The following OSBPL10 variants were observed in gnomAD, a reference collection of about 807,000 sequenced individuals.
OSBPL10 encodes the protein oxysterol binding protein like 10, also known as oxysterol-binding protein-related protein 10.
Under a neutral mutation model 81.7 loss-of-function variants are expected in OSBPL10, and 49 were observed. The ratio of observed to expected loss-of-function variants is 0.60; its 90% CI spans 0.48 to 0.76. The LOEUF is 0.76. OSBPL10 is among the 30% of genes least tolerant of loss of function. The pLI, the probability that OSBPL10 is intolerant of heterozygous loss-of-function variation, is 0.00. For missense variants in OSBPL10, 923 were observed against 987.8 expected (o/e 0.93, Z 0.88); for synonymous variants, 419 against 383.6 (o/e 1.09, Z -1.08).
rs1432264158 is a variant in OSBPL10 at position 31,757,259 on chromosome 3, T to C, written c.730-9139A>G. On this transcript the variant is annotated intron_variant, in intron 4 of 11. Coordinates refer to ENST00000396556, the MANE Select transcript of OSBPL10 (RefSeq NM_017784.5). ...ATAAAGGGAATCAAGATAAATAAGATCTTGAGGGTGGTCCCTAATCCGGTA... is the reference window on the plus strand; with the variant it reads ...ATAAAGGGAATCAAGATAAATAAGACCTTGAGGGTGGTCCCTAATCCGGTA... 9.2e-5 allele frequency among the ~76,000 whole-genome samples: 14 copies of C among 152,276 alleles called. No homozygotes were observed. The East Asian group carries it at 2.7e-3, about 29-fold the overall frequency.
intron 7 of OSBPL10, among the ~76,000 whole-genome samples, chr3:31,690,057 G>C (rs551026880): frequency 5.9e-4 from 90 of 151,930 alleles, no homozygotes; most frequent in African/African-American, 2.1e-3. Flanking sequence ...GTTAGTAATT[G>C]GCCAAAAAAG....
At chr3:31,935,364 T>C (rs1697355579) in intron 1 of OSBPL10, among the ~76,000 whole-genome samples, 1 of 152,194 alleles carries the variant, frequency 6.6e-6, no homozygotes, top group Non-Finnish European at 1.5e-5. Flanking sequence ...TTAAACTTTT[T>C]TTTTATACAG....
In OSBPL10 at chr3:31,802,944, T is replaced by TTAA. The variant is rs1360566411; in HGVS notation, c.729+27095_729+27096insTTA. Among the ~76,000 whole-genome samples, 71 of 150,168 alleles carry TTAA rather than the reference T, an allele frequency of 4.7e-4. 1 individual carries two copies. The highest frequency in any genetic ancestry group is 1.6e-3 in the African/African-American group (64 of 40,980). ...TACAAGGGAATAACAAACTTGTACC[T>TTAA]TATTTAGACAATGGTATTGGGTCCT... On this transcript the variant is annotated intron_variant, in intron 4 of 11. Coordinates refer to ENST00000396556, the MANE Select transcript of OSBPL10 (RefSeq NM_017784.5).
chr3:31,823,548 G>A (rs1700029936), intron 4 of OSBPL10, among the ~76,000 whole-genome samples: 1 of 152,160 alleles, frequency 6.6e-6, no homozygotes, highest in African/African-American at 2.4e-5. Context: ...AATTTAAAAG[G>A]TAGAAAGACC....
At chr3:31,897,178 CAAACCA>C (rs1696083783) in intron 1 of OSBPL10, among the ~76,000 whole-genome samples, 1 of 152,130 alleles carries the variant, frequency 6.6e-6, no homozygotes, top group African/African-American at 2.4e-5. Context: ...TTAGCCTCAG[CAAACCA>C]GCGGAGGCTA....
chr3:32,023,853 G>C (rs768920167), intron 2 of OSBPL10, among the ~76,000 whole-genome samples: 1 of 151,810 alleles, frequency 6.6e-6, no homozygotes, highest in African/African-American at 2.4e-5. Flanking sequence ...TAAACTTTAT[G>C]GTAAAGTTTA....
At chr3:31,910,471 C>G (rs1047667700) in intron 1 of OSBPL10, among the ~76,000 whole-genome samples, 14 of 151,784 alleles carry the variant, frequency 9.2e-5, no homozygotes, top group Admixed American at 5.9e-4. Context: ...CCTGTCTCTA[C>G]GAAAATACAA....
At chr3:32,010,164 GAGAC>G (rs1008022663) in intron 2 of OSBPL10, among the ~76,000 whole-genome samples, 1 of 151,620 alleles carries the variant, frequency 6.6e-6, no homozygotes, top group Non-Finnish European at 1.5e-5. Context: ...AAGAGGAAGA[GAGAC>G]AGAAATGCAG....
intron 3 of OSBPL10, among the ~76,000 whole-genome samples, chr3:31,857,797 AG>A (rs1559494166): frequency 8.3e-5 from 5 of 60,244 alleles, no homozygotes; most frequent in Non-Finnish European, 7.9e-5. Context: ...GGGGAGAGAC[AG>A]AAAGGGAGAG....
chr3:31,802,295 C>T (rs1193953090), intron 4 of OSBPL10, among the ~76,000 whole-genome samples: 2 of 151,628 alleles, frequency 1.3e-5, no homozygotes, highest in South Asian at 2.1e-4. Flanking sequence ...TGGTGACTCA[C>T]ACCTGTAATC....
chr3:31,718,635 C>T (rs569054089), intron 6 of OSBPL10: 3 of 152,324 alleles, frequency 2.0e-5, no homozygotes, highest in African/African-American at 7.2e-5. Flanking sequence ...GAGTATGTAA[C>T]ACTTTATTGG....
At chr3:31,788,908 A>G (rs1387972005) in intron 4 of OSBPL10, among the ~76,000 whole-genome samples, 3 of 152,198 alleles carry the variant, frequency 2.0e-5, no homozygotes, top group Admixed American at 6.5e-5. Flanking sequence ...AATTTCATTA[A>G]TCCAGAGAAA....
At chr3:31,853,055 A>G (rs902065433) in intron 3 of OSBPL10, among the ~76,000 whole-genome samples, 7 of 152,224 alleles carry the variant, frequency 4.6e-5, no homozygotes, top group African/African-American at 1.7e-4. Flanking sequence ...TTTTTTTCAC[A>G]TGAAAAAGAG....
At chr3:31,749,636 G>A (rs1375995765) in intron 4 of OSBPL10, among the ~76,000 whole-genome samples, 4 of 152,022 alleles carry the variant, frequency 2.6e-5, no homozygotes, top group African/African-American at 9.7e-5. Flanking sequence ...CCAACATGGT[G>A]AAACCCCATC....
chr3:31,902,862 C>T (rs930529527), intron 1 of OSBPL10, among the ~76,000 whole-genome samples: 3 of 152,172 alleles, frequency 2.0e-5, no homozygotes, highest in Non-Finnish European at 2.9e-5. Flanking sequence ...AGTCAGTGGC[C>T]AGCAGGCACC....
chr3:31,748,366 C>G (rs1697602564), intron 4 of OSBPL10, among the ~76,000 whole-genome samples: 1 of 152,148 alleles, frequency 6.6e-6, no homozygotes, highest in Non-Finnish European at 1.5e-5. Context: ...TTAGGGCCAT[C>G]TGGGTATATC....
In OSBPL10 at chr3:31,961,925, GT is replaced by G. The variant is rs1219187439; in HGVS notation, c.281+18973del. 6.1e-5 allele frequency among the ~76,000 whole-genome samples: 9 copies of G among 146,692 alleles called. No individual in the cohort carries two copies. The East Asian group carries it at 1.8e-3, about 30-fold the overall frequency. On this transcript the variant is annotated intron_variant, in intron 1 of 11. Coordinates refer to ENST00000396556, the MANE Select transcript of OSBPL10 (RefSeq NM_017784.5). ...TGTTTTGGTTTTTTTTTTTTTAAGA[GT>G]TTTTTTTGGCAGAGGGGAGGGTTGC...
At chr3:31,785,598 G>A (rs1182871620) in intron 4 of OSBPL10, among the ~76,000 whole-genome samples, 1 of 152,036 alleles carries the variant, frequency 6.6e-6, no homozygotes, top group Non-Finnish European at 1.5e-5. Context: ...CATTAACATC[G>A]TGGGTGACTC....
intron 1 of OSBPL10, among the ~76,000 whole-genome samples, chr3:31,889,024 A>G (rs1695816471): frequency 6.6e-6 from 1 of 152,218 alleles, no homozygotes; most frequent in Non-Finnish European, 1.5e-5. Flanking sequence ...AAGGATATAC[A>G]AATGTCCAAC....
Sources: gnomAD v4.1 joint callset for allele counts (sites outside exome capture counted in the v4.1 genomes callset) on GRCh38, gnomAD v4.1.1 for gene constraint, MANE v1.5 for transcripts, NCBI Gene and HGNC (gene_info 2026-07-23, HGNC 2026-07-21) for gene names.